RIN3: variants seen among roughly 807,000 people sequenced by gnomAD.
The protein encoded by RIN3 is Ras and Rab interactor 3, also known as RAB5 interacting protein 3.
In RIN3, 54 loss-of-function variants were observed where a neutral mutation model predicts 76.3. The observed-to-expected ratio is 0.71, with a 90% CI of 0.57 to 0.89. The LOEUF is 0.89. Among genes scored for constraint, RIN3 ranks in the 40% least tolerant of loss-of-function variants. RIN3 has a pLI of 0.00. For synonymous variants in RIN3, 576 were observed against 564.0 expected, an observed-to-expected ratio of 1.02 and a Z score of -0.30; for missense variants, 1,256 against 1,322.1, an observed-to-expected ratio of 0.95 and a Z score of 0.78.
Position 92,652,132 on chromosome 14 carries a change from AG to A in RIN3, c.1087del (p.Ala363GlnfsTer35). The A allele has an allele frequency of 6.2e-7, 1 of 1,608,444 alleles. No individual in the cohort carries two copies. Among genetic ancestry groups the A allele is most frequent in the Non-Finnish European group, 8.5e-7 (1 of 1,179,238 alleles). On this transcript the variant is annotated frameshift_variant, in exon 6 of 10. Coordinates refer to ENST00000216487, the MANE Select transcript of RIN3 (RefSeq NM_024832.5). LOFTEE classifies it high-confidence loss of function. The surrounding 1 kb of genome is among the most constrained non-coding windows in gnomAD (Gnocchi z 6.4). ...CCCTCAGGGAGGAAGCGATGAAGCCAGGGGCAGCCTCCAGTCCCTTGCAGCA... is the reference window on the plus strand; with the variant it reads ...CCCTCAGGGAGGAAGCGATGAAGCCAGGGCAGCCTCCAGTCCCTTGCAGCA... The part of the protein sequence containing the change: ...GPLREEAMKP[G>X]AASSPLQQVP...
At chr14:92,546,357 C>T (rs1897265870) in intron 1 of RIN3, among the ~76,000 whole-genome samples, 1 of 151,770 alleles carries the variant, frequency 6.6e-6, no homozygotes, top group Admixed American at 6.5e-5. Flanking sequence ...AAATATTTAT[C>T]TTTTTGCTGG....
rs10538825 is a variant in RIN3 at position 92,537,005 on chromosome 14, A to AAT, written c.45-18732_45-18731dup. 7.4e-4 allele frequency among the ~76,000 whole-genome samples: 112 copies of AAT among 151,128 alleles called. 1 individual carries two copies. Among genetic ancestry groups the AAT allele is most frequent in the Admixed American group, 1.5e-3 (23 of 15,144 alleles). Reference sequence around the variant, plus strand: ...AGGTAATATGCTCATAGGATTTAAAAATATATATATATATAATGAAAAAGA... The same window carrying AAT: ...AGGTAATATGCTCATAGGATTTAAAAATATATATATATATATAATGAAAAAGA... On this transcript the variant is annotated intron_variant, in intron 1 of 9. Transcript: ENST00000216487.
chr14:92,567,164 T>C (rs745428112), intron 2 of RIN3, among the ~76,000 whole-genome samples: 6 of 152,186 alleles, frequency 3.9e-5, no homozygotes, highest in Non-Finnish European at 7.4e-5. Flanking sequence ...GCTTTGAAAC[T>C]TTCCCACTGA....
At chr14:92,683,992 T>G (rs552910982) in intron 8 of RIN3, among the ~76,000 whole-genome samples, 2 of 152,264 alleles carry the variant, frequency 1.3e-5, no homozygotes, top group African/African-American at 4.8e-5. Context: ...CTACTGAACA[T>G]CATAGCCTAG....
intron 6 of RIN3, 127 bp from the exon 7 acceptor site, chr14:92,659,034 C>A: frequency 1.2e-6 from 1 of 847,902 alleles, no homozygotes. Context: ...CAGGGTATAA[C>A]TGCTGGGGCT....
intron 2 of RIN3, among the ~76,000 whole-genome samples, chr14:92,557,745 T>C (rs781632370): frequency 6.6e-6 from 1 of 151,994 alleles, no homozygotes; most frequent in East Asian, 1.9e-4. Context: ...AAAACCAGGG[T>C]CTCCTGCCAG....
Position 92,562,338 on chromosome 14 carries a change from A to T in RIN3, c.249+6383A>T, listed in dbSNP as rs529709736. Among the ~76,000 whole-genome samples the T allele has an allele frequency of 4.6e-5, 7 of 152,004 alleles. No individual in the cohort carries two copies. The South Asian group carries it at 1.5e-3, about 32-fold the overall frequency. ...CTTAGGGTTTCTGTACTTCAAAGTCACTCTTTCCCCCACTGCCTCTCTAGA... is the reference window on the plus strand; with the variant it reads ...CTTAGGGTTTCTGTACTTCAAAGTCTCTCTTTCCCCCACTGCCTCTCTAGA... On this transcript the variant is annotated intron_variant, in intron 2 of 9. Transcript: ENST00000216487.
chr14:92,668,836 C>A (rs1349671871), intron 7 of RIN3, among the ~76,000 whole-genome samples: 1 of 152,194 alleles, frequency 6.6e-6, no homozygotes, highest in Non-Finnish European at 1.5e-5. Flanking sequence ...CCTGAGTCAA[C>A]CAGAGAAGCT....
At chr14:92,624,263 C>T (rs777197340) in intron 4 of RIN3, among the ~76,000 whole-genome samples, 1 of 152,062 alleles carries the variant, frequency 6.6e-6, no homozygotes, top group Non-Finnish European at 1.5e-5. Flanking sequence ...AGAGGATAGA[C>T]GTGGAGATAT....
At chr14:92,612,287 G>A (rs9788538) in intron 3 of RIN3, among the ~76,000 whole-genome samples, 14,349 of 149,910 alleles carry the variant, frequency 0.096, 957 homozygotes, top group East Asian at 0.26. Flanking sequence ...ACACCCGGCC[G>A]GTGCAGTACA....
At chr14:92,629,548 A>C (rs1016719659) in intron 4 of RIN3, among the ~76,000 whole-genome samples, 3 of 152,208 alleles carry the variant, frequency 2.0e-5, no homozygotes, top group Non-Finnish European at 4.4e-5. Context: ...CCTGCGCCCT[A>C]TGGAGAGGAT....
At chr14:92,636,389 G>A (rs376966942) in intron 4 of RIN3, among the ~76,000 whole-genome samples, 5 of 152,082 alleles carry the variant, frequency 3.3e-5, no homozygotes, top group East Asian at 1.9e-4. Context: ...TTTAAGACCA[G>A]CCTGGTCAAC....
At chr14:92,669,647 G>T (rs961157628) in intron 7 of RIN3, among the ~76,000 whole-genome samples, 1 of 152,106 alleles carries the variant, frequency 6.6e-6, no homozygotes, top group African/African-American at 2.4e-5. Context: ...GTGGGGGTGA[G>T]GTGGGGGGTA....
intron 4 of RIN3, among the ~76,000 whole-genome samples, chr14:92,638,247 C>A (rs1743402759): frequency 6.6e-6 from 1 of 152,102 alleles, no homozygotes; most frequent in Admixed American, 6.5e-5. Flanking sequence ...AGGGGCTATT[C>A]CCTCTATGCG....
At chr14:92,612,442 G>A (rs1216696423) in intron 3 of RIN3, among the ~76,000 whole-genome samples, 1 of 152,238 alleles carries the variant, frequency 6.6e-6, no homozygotes, top group African/African-American at 2.4e-5. Flanking sequence ...TCCCTTTGGG[G>A]CCCTAGAGGG....
In RIN3 at chr14:92,663,277, T is replaced by C. The variant is rs578249977; in HGVS notation, c.2335+3808T>C. On this transcript the variant is annotated intron_variant, in intron 7 of 9. Coordinates refer to ENST00000216487, the MANE Select transcript of RIN3 (RefSeq NM_024832.5). ...TGATTTTTGCTAACAATGAATTCGCTTCCTAAAAACTTACCAGAGAGCAGG... is the reference window on the plus strand; with the variant it reads ...TGATTTTTGCTAACAATGAATTCGCCTCCTAAAAACTTACCAGAGAGCAGG... Among the ~76,000 whole-genome samples the C allele has an allele frequency of 1.6e-3, 251 of 152,344 alleles. 2 individuals are homozygous for C. The highest frequency in any genetic ancestry group is 6.3e-3 in the Admixed American group (96 of 15,296).
At chr14:92,528,165 TGAG>T (rs1269770447) in intron 1 of RIN3, among the ~76,000 whole-genome samples, 2 of 152,146 alleles carry the variant, frequency 1.3e-5, no homozygotes, top group African/African-American at 4.8e-5. Context: ...TGGAGTGTAT[TGAG>T]GAGGCTGAGT....
At chr14:92,683,179 A>C (rs1888729766) in intron 8 of RIN3, among the ~76,000 whole-genome samples, 1 of 151,596 alleles carries the variant, frequency 6.6e-6, no homozygotes, top group Admixed American at 6.6e-5. Context: ...AAAAAAAAAG[A>C]AGAAAAAAAT....
At chr14:92,554,758 T>TA (rs1897530886) in intron 1 of RIN3, among the ~76,000 whole-genome samples, 1 of 151,950 alleles carries the variant, frequency 6.6e-6, no homozygotes, top group African/African-American at 2.4e-5. Context: ...CTGTCTCTAC[T>TA]AAAAAAATAC....
Sources: allele counts gnomAD v4.1 joint callset (sites outside exome capture counted in the v4.1 genomes callset), GRCh38; gene constraint gnomAD v4.1.1; non-coding constraint Gnocchi (gnomAD v3.1); transcripts MANE v1.5; gene names NCBI Gene and HGNC (gene_info 2026-07-23, HGNC 2026-07-21).